The following C12orf50 variants were observed in gnomAD, a reference collection of about 807,000 sequenced individuals.
The protein encoded by C12orf50 is zinc finger CCCH-type containing 11D, also known as uncharacterized protein C12orf50.
A neutral mutation model predicts 61.6 loss-of-function variants in C12orf50; 35 were observed. The ratio of observed to expected loss-of-function variants is 0.57; its 90% CI spans 0.43 to 0.75. The LOEUF (loss-of-function observed/expected upper bound fraction) is 0.75. C12orf50 is among the 30% of genes least tolerant of loss of function. The pLI is 0.00. For synonymous variants in C12orf50, 178 were observed against 161.5 expected (o/e 1.10, Z -0.77); for missense variants, 475 against 488.5 (o/e 0.97, Z 0.26).
chr12:87,995,008 C>T (rs1359032068), intron 6 of C12orf50, among the ~76,000 whole-genome samples: 1 of 152,018 alleles, frequency 6.6e-6, no homozygotes, highest in African/African-American at 2.4e-5. Flanking sequence ...ATTGTATATA[C>T]ATAATATATC....
chr12:88,004,788 AC>A (rs1213887487), intron 3 of C12orf50, among the ~76,000 whole-genome samples: 4 of 152,180 alleles, frequency 2.6e-5, no homozygotes, highest in Non-Finnish European at 5.9e-5. Context: ...GTAATAGAAA[AC>A]AAAACACTGC....
chr12:88,018,314 A>G (rs1484433830), intron 3 of C12orf50, among the ~76,000 whole-genome samples: 1 of 152,236 alleles, frequency 6.6e-6, no homozygotes, highest in East Asian at 1.9e-4. Context: ...AAGCCTTGAC[A>G]GCTTCCATGT....
At chr12:87,995,001 G>A (rs1338322156) in intron 6 of C12orf50, among the ~76,000 whole-genome samples, 3 of 152,002 alleles carry the variant, frequency 2.0e-5, no homozygotes, top group Non-Finnish European at 4.4e-5. Flanking sequence ...TAACACTATT[G>A]TATATACATA....
rs1257252181 is a variant in C12orf50, at chr12:87,985,978, G to A, written c.998C>T (p.Ser333Phe). ...AGCATCTCTTTGAACGTGGATATAG[G>A]ATGCATTCTCCGCATTTCGATTTTT... Reference protein sequence around the residue: ...NNKNRNAENASYIHVQRDAVR... With the variant: ...NNKNRNAENAFYIHVQRDAVR... The change falls in exon 11 of 13, where the codon TCC (serine) becomes TTC (phenylalanine). Residue 333 changes from serine to phenylalanine, a missense_variant. Transcript: ENST00000298699. The A allele has an allele frequency of 1.2e-6, 2 of 1,613,906 alleles. No homozygotes were observed. The highest frequency in any genetic ancestry group is 4.5e-5 in the East Asian group (2 of 44,868).
intron 3 of C12orf50, among the ~76,000 whole-genome samples, chr12:88,016,467 G>C (rs2032315864): frequency 1.3e-5 from 2 of 152,152 alleles, no homozygotes; most frequent in Admixed American, 6.5e-5. Flanking sequence ...AGGTCTGCCA[G>C]GAATCAAATT....
At chr12:88,006,772 C>G (rs2031901748) in intron 3 of C12orf50, among the ~76,000 whole-genome samples, 1 of 152,088 alleles carries the variant, frequency 6.6e-6, no homozygotes, top group Admixed American at 6.6e-5. Context: ...AGCTTTCTCC[C>G]CCCAGAAAGG....
At chr12:88,016,868 T>C (rs1251064380) in intron 3 of C12orf50, among the ~76,000 whole-genome samples, 1 of 152,110 alleles carries the variant, frequency 6.6e-6, no homozygotes, top group Non-Finnish European at 1.5e-5. Flanking sequence ...AATAAGAAAG[T>C]AGAACAAGGC....
chr12:87,994,962 T>G (rs1217292074), intron 6 of C12orf50, among the ~76,000 whole-genome samples: 1 of 152,184 alleles, frequency 6.6e-6, no homozygotes, highest in Non-Finnish European at 1.5e-5. Context: ...GATTATTTAT[T>G]CAATGGCAAT....
chr12:87,980,754 T>C (rs998772616), intron 12 of C12orf50, among the ~76,000 whole-genome samples: 2 of 152,180 alleles, frequency 1.3e-5, no homozygotes, highest in Non-Finnish European at 2.9e-5. Context: ...CTTCTGCCCC[T>C]AATTCCCACA....
chr12:88,024,016 A>G (rs887350370), intron 3 of C12orf50, among the ~76,000 whole-genome samples: 1 of 152,266 alleles, frequency 6.6e-6, no homozygotes, highest in African/African-American at 2.4e-5. Context: ...TGGCCAAAGC[A>G]TAGGAAAAAA....
intron 3 of C12orf50, 103 bp downstream of exon 3, chr12:88,026,385 C>T: frequency 1.5e-6 from 2 of 1,322,890 alleles, no homozygotes; most frequent in Non-Finnish European, 2.0e-6. Flanking sequence ...TATTAAATTG[C>T]ATTGCTCACC....
chr12:88,010,156 T>C (rs1370958737), intron 3 of C12orf50, among the ~76,000 whole-genome samples: 1 of 152,064 alleles, frequency 6.6e-6, no homozygotes, highest in Non-Finnish European at 1.5e-5. Context: ...TGTTTCCATC[T>C]ACTCTGTCCC....
At chr12:88,026,382 T>G in intron 3 of C12orf50, 106 bp downstream of exon 3, 2 of 1,298,898 alleles carry the variant, frequency 1.5e-6, no homozygotes, top group Non-Finnish European at 2.1e-6. Flanking sequence ...GGCTATTAAA[T>G]TGCATTGCTC....
intron 8 of C12orf50, 60 bp downstream of exon 8, chr12:87,989,204 C>T: frequency 1.7e-6 from 2 of 1,184,994 alleles, no homozygotes; most frequent in Non-Finnish European, 2.4e-6. Flanking sequence ...AACAAGCAAG[C>T]TTGTCTTTAA....
intron 3 of C12orf50, among the ~76,000 whole-genome samples, chr12:88,008,978 G>A (rs969504562): frequency 3.3e-5 from 5 of 152,056 alleles, no homozygotes; most frequent in Admixed American, 2.6e-4. Flanking sequence ...TTACTCACCT[G>A]TTTCTCCTAT....
At position 87,992,532 on chromosome 12, in the gene C12orf50, A is replaced by G. The variant is rs867930484; in HGVS notation, c.592+2101T>C. 2.6e-4 allele frequency among the ~76,000 whole-genome samples: 39 copies of G among 152,304 alleles called. 1 individual carries two copies. The highest frequency in any genetic ancestry group is 2.1e-3 in the South Asian group (10 of 4,830). On this transcript the variant is annotated intron_variant, in intron 7 of 12. Coordinates refer to ENST00000298699, the MANE Select transcript of C12orf50 (RefSeq NM_152589.3). ...ATGTGGTATATATCTATCTATCTAT[A>G]GAGATTTACTGCTACAATCAACATC...
chr12:88,001,856 T>C (rs536845774), intron 3 of C12orf50, among the ~76,000 whole-genome samples: 1 of 151,670 alleles, frequency 6.6e-6, no homozygotes, highest in African/African-American at 2.4e-5. Flanking sequence ...TTATTTCTGA[T>C]TTTAGTAATT....
At chr12:87,994,384 GCA>G (rs112496496) in intron 7 of C12orf50, among the ~76,000 whole-genome samples, 3 of 150,096 alleles carry the variant, frequency 2.0e-5, no homozygotes, top group Admixed American at 6.6e-5. Context: ...ACACATACAT[GCA>G]CACACACACA....
At position 88,014,443 on chromosome 12, in the gene C12orf50, A is replaced by C. The variant is rs550151136; in HGVS notation, c.133+12045T>G. Among the ~76,000 whole-genome samples the C allele has an allele frequency of 2.6e-5, 4 of 152,240 alleles. No individual in the cohort carries two copies. The South Asian group carries it at 8.3e-4, about 32-fold the overall frequency. On this transcript the variant is annotated intron_variant, in intron 3 of 12. Coordinates refer to ENST00000298699, the MANE Select transcript of C12orf50 (RefSeq NM_152589.3). Reference sequence around the variant, plus strand: ...CAGCCTCCTGAGTAGCTGGGACTACAGGCATCTGCCACTACGTCCGGCTAA... The same window carrying C: ...CAGCCTCCTGAGTAGCTGGGACTACCGGCATCTGCCACTACGTCCGGCTAA...
Sources: allele counts gnomAD v4.1 joint callset (sites outside exome capture counted in the v4.1 genomes callset), GRCh38; gene constraint gnomAD v4.1.1; transcripts MANE v1.5; gene names NCBI Gene and HGNC (gene_info 2026-07-23, HGNC 2026-07-21).